The following MAMLD1 variants were observed in gnomAD, a reference collection of about 807,000 sequenced individuals.
The protein encoded by MAMLD1 is mastermind-like domain-containing protein 1.
Under a neutral mutation model 45.0 loss-of-function variants are expected in MAMLD1, and 14 were observed. The ratio of observed to expected loss-of-function variants is 0.31; its 90% CI spans 0.21 to 0.49. MAMLD1 has a LOEUF of 0.49. Ranked by LOEUF, MAMLD1 falls within the 20% of genes least tolerant of loss-of-function variation. The probability of loss-of-function intolerance (pLI) is 0.99; values close to 1 mark genes in which losing one functional copy is unlikely to be tolerated. For missense variants in MAMLD1, 543 were observed against 603.6 expected (o/e 0.90, Z 1.05); for synonymous variants, 254 against 247.8 (o/e 1.02, Z -0.24).
intron 1 of MAMLD1, among the ~76,000 whole-genome samples, chrX:150,415,254 C>T (rs2034219762): frequency 8.9e-6 from 1 of 112,774 alleles, no homozygotes; most frequent in African/African-American, 3.2e-5. Flanking sequence ...ACTTCCAATG[C>T]CCAAGAGAAA....
intron 1 of MAMLD1, among the ~76,000 whole-genome samples, chrX:150,442,283 G>A (rs1332437103): frequency 9.0e-6 from 1 of 110,874 alleles, no homozygotes; most frequent in Non-Finnish European, 1.9e-5. Flanking sequence ...TTCATTTATT[G>A]TATTTATTGA....
chrX:150,445,304 G>A (rs2035450579), intron 1 of MAMLD1, 150 bp from the exon 2 acceptor site: 3 of 425,414 alleles, frequency 7.1e-6, no homozygotes, highest in East Asian at 7.9e-5. Context: ...TGGGGGTGGG[G>A]GTGCTCAATG....
rs1049985568 is a variant in MAMLD1 at position 150,469,641 on chromosome X, C to G, written c.172-104C>G. 30 of 510,631 alleles carry G rather than the reference C, an allele frequency of 5.9e-5. No individual in the cohort carries two copies. In the South Asian group the frequency reaches 8.3e-4, roughly 14 times the overall value. The allele number at this position is 510,631 out of a possible 1,213,427, so 42.1% of individuals were successfully genotyped here. The stretch of plus-strand genomic sequence containing the variant: ...TCTCTCTCTCTTTCTCTCTGTCTCT[C>G]TCTCTCTCTCTCTCTGTGTGTGTGT... On this transcript the variant is annotated intron_variant, in intron 3 of 7. Transcript: ENST00000370401.
chrX:150,371,497 G>A (rs2031983159), intron 1 of MAMLD1, among the ~76,000 whole-genome samples: 1 of 111,168 alleles, frequency 9.0e-6, no homozygotes, highest in South Asian at 3.9e-4. Flanking sequence ...GCTAGTTAAT[G>A]GCATCCAGGT....
intron 1 of MAMLD1, among the ~76,000 whole-genome samples, chrX:150,392,425 GC>G (rs782367720): frequency 5.7e-4 from 63 of 110,941 alleles, no homozygotes; most frequent in Non-Finnish European, 1.1e-3. Context: ...TGCTGATTTA[GC>G]CCCATCTCGT....
At chrX:150,368,751 A>C (rs1395364932) in intron 1 of MAMLD1, among the ~76,000 whole-genome samples, 14 of 112,097 alleles carry the variant, frequency 1.2e-4, no homozygotes, top group Non-Finnish European at 2.4e-4. Context: ...AGGTATAAGG[A>C]AGGGATCCAG....
At chrX:150,367,916 T>A (rs1229047429) in intron 1 of MAMLD1, among the ~76,000 whole-genome samples, 3 of 111,956 alleles carry the variant, frequency 2.7e-5, no homozygotes, top group African/African-American at 9.8e-5. Context: ...TGCGTAGTAT[T>A]CCATGGTGTA....
rs1185826601 is a variant in MAMLD1 at position 150,473,700 on chromosome X, A to G, written c.1938A>G (p.Ala646=). 28 of 1,209,181 alleles carry G rather than the reference A, an allele frequency of 2.3e-5. No homozygotes were observed. In the Admixed American group the frequency reaches 5.9e-4, roughly 25 times the overall value. Residue 646 remains alanine, a synonymous_variant, in exon 5 of 8, where the codon GCA becomes GCG. Transcript: ENST00000370401. ...TATAGGGCTGTTGCCATCTGTTTGC[A>G]TGGACTTCTGCAGCTAGCTCGGTGA... ...LPRQGCCHLF[A]WTSAASSVKP... is the part of the protein sequence containing the mutation.
chrX:150,371,384 A>AT (rs1328656176), intron 1 of MAMLD1, among the ~76,000 whole-genome samples: 1 of 110,969 alleles, frequency 9.0e-6, no homozygotes, highest in African/African-American at 3.3e-5. Flanking sequence ...CCAGCCGTTG[A>AT]TTTTTTCCCC....
At chrX:150,497,287 T>C (rs980552582) in intron 5 of MAMLD1, among the ~76,000 whole-genome samples, 3 of 99,322 alleles carry the variant, frequency 3.0e-5, no homozygotes, top group Admixed American at 1.1e-4. Context: ...TTTTTTCTTT[T>C]TTTTTTTTTT....
At chrX:150,458,822 A>C (rs1289596436) in intron 2 of MAMLD1, among the ~76,000 whole-genome samples, 4 of 111,744 alleles carry the variant, frequency 3.6e-5, no homozygotes, top group African/African-American at 1.3e-4. Flanking sequence ...AATCATAGAA[A>C]CAGTAGAAGG....
chrX:150,452,655 G>A (rs1557405112), intron 2 of MAMLD1, among the ~76,000 whole-genome samples: 1 of 107,965 alleles, frequency 9.3e-6, no homozygotes, highest in Admixed American at 9.8e-5. Flanking sequence ...ACATTGTGCA[G>A]GTTAGTTACA....
At chrX:150,433,345 A>G (rs1023056402) in intron 1 of MAMLD1, among the ~76,000 whole-genome samples, 2 of 112,098 alleles carry the variant, frequency 1.8e-5, no homozygotes, top group East Asian at 5.5e-4. Context: ...ATAGAATAAT[A>G]TCGTCTGCAA....
At chrX:150,444,164 C>G (rs1234096461) in intron 1 of MAMLD1, among the ~76,000 whole-genome samples, 1 of 111,733 alleles carries the variant, frequency 8.9e-6, no homozygotes, top group African/African-American at 3.3e-5. Flanking sequence ...TGATACTACT[C>G]TAGTGCGGAT....
chrX:150,493,990 T>C (rs1009712897), intron 5 of MAMLD1, among the ~76,000 whole-genome samples: 3 of 111,956 alleles, frequency 2.7e-5, no homozygotes, highest in Non-Finnish European at 5.6e-5. Flanking sequence ...TATGTAGAAA[T>C]ATATGTTTCA....
chrX:150,473,460 G>C lies in MAMLD1; in HGVS notation c.1918-220G>C, dbSNP rs782483676. On this transcript the variant is annotated intron_variant, in intron 4 of 7. Transcript: ENST00000370401. ...CCTGTGGCAACCCCTAGAGTACAGA[G>C]GTTGTGTCTTTTCCATCCAGGTTTC... is the stretch of plus-strand genomic sequence containing the variant. Among the ~76,000 whole-genome samples the C allele has an allele frequency of 2.7e-5, 3 of 112,431 alleles. No individual in the cohort carries two copies. The South Asian group carries it at 1.1e-3, about 41-fold the overall frequency.
chrX:150,488,643 T>C (rs1557407770), intron 5 of MAMLD1, among the ~76,000 whole-genome samples: 1 of 113,100 alleles, frequency 8.8e-6, no homozygotes, highest in African/African-American at 3.2e-5. Flanking sequence ...TATATTGAAT[T>C]TGAAGACTGT....
intron 2 of MAMLD1, 61 bp downstream of exon 2, chrX:150,445,673 G>A (rs1445506038): frequency 2.2e-5 from 19 of 868,636 alleles, no homozygotes; most frequent in East Asian, 1.3e-4. Flanking sequence ...AAACTTGAAC[G>A]TAAGATGTGT....
intron 5 of MAMLD1, among the ~76,000 whole-genome samples, chrX:150,502,895 C>G (rs782308507): frequency 1.6e-4 from 18 of 112,063 alleles, no homozygotes; most frequent in South Asian, 1.1e-3. Context: ...AGCTATCTGA[C>G]TTAGCTTTGT....
Sources: allele counts gnomAD v4.1 joint callset (sites outside exome capture counted in the v4.1 genomes callset), GRCh38; gene constraint gnomAD v4.1.1; transcripts MANE v1.5; gene names NCBI Gene and HGNC (gene_info 2026-07-23, HGNC 2026-07-21).